The following DIS3L2 variants were observed in gnomAD, a reference collection of about 807,000 sequenced individuals.
The protein encoded by DIS3L2 is DIS3 like 3'-5' exoribonuclease 2.
In DIS3L2, 34 loss-of-function variants were observed where a neutral mutation model predicts 97.5. The ratio of observed to expected loss-of-function variants is 0.35; its 90% confidence interval spans 0.27 to 0.46. The LOEUF is 0.46. Ranked by LOEUF, DIS3L2 falls within the 20% of genes least tolerant of loss-of-function variation. The pLI, the probability that DIS3L2 is intolerant of heterozygous loss-of-function variation, is 1.00. For missense variants in DIS3L2, 1,038 were observed against 1,146.0 expected (o/e 0.91, Z 1.36); for synonymous variants, 435 against 445.2 (o/e 0.98, Z 0.29).
chr2:232,136,575 C>T lies in DIS3L2; in HGVS notation c.806C>T (p.Ser269Phe). ...CTGTTTAGGAAATACGCCCTGTTTT[C>T]TCCCTCAGACCACCGAGTGCCTAGA... ...SELFRKYALF[S>F]PSDHRVPRIY... The change falls in exon 8 of 21, where the codon TCT (serine) becomes TTT (phenylalanine). Residue 269 changes from serine (S) to phenylalanine (F), a missense_variant. Ser to Phe is a radical substitution (Grantham distance 155). Transcript: ENST00000325385. The T allele has an allele frequency of 6.2e-7, 1 of 1,613,958 alleles. No individual in the cohort carries two copies. The highest frequency in any genetic ancestry group is 2.2e-5 in the East Asian group (1 of 44,872).
intron 14 of DIS3L2, among the ~76,000 whole-genome samples, chr2:232,318,109 C>T (rs1695327592): frequency 6.6e-6 from 1 of 152,064 alleles, no homozygotes; most frequent in Non-Finnish European, 1.5e-5. Context: ...AGAACCCACT[C>T]CTGCAAGGCC....
At chr2:232,203,877 G>A (rs1691962344) in intron 9 of DIS3L2, among the ~76,000 whole-genome samples, 1 of 152,196 alleles carries the variant, frequency 6.6e-6, no homozygotes, top group Non-Finnish European at 1.5e-5. Flanking sequence ...GTAGAGTTAA[G>A]TAGCCCACTA....
chr2:231,996,742 C>G (rs1389451178), intron 1 of DIS3L2, among the ~76,000 whole-genome samples: 2 of 152,178 alleles, frequency 1.3e-5, no homozygotes, highest in Non-Finnish European at 1.5e-5. Context: ...GTTATCACAT[C>G]TAATATAAAA....
intron 6 of DIS3L2, among the ~76,000 whole-genome samples, chr2:232,088,649 A>G (rs190636421): frequency 2.0e-5 from 3 of 151,910 alleles, no homozygotes; most frequent in African/African-American, 7.3e-5. Context: ...AAGTATTTTG[A>G]TTCTAAGCCT....
At chr2:232,161,853 A>G (rs1489162020) in intron 8 of DIS3L2, among the ~76,000 whole-genome samples, 5 of 151,716 alleles carry the variant, frequency 3.3e-5, no homozygotes, top group Admixed American at 2.6e-4. Context: ...GCTCACCGCA[A>G]CCTCTGACTC....
In DIS3L2 at chr2:232,185,096, A is replaced by G. The variant is rs13401121; in HGVS notation, c.1124+21464A>G. 8.8e-3 allele frequency among the ~76,000 whole-genome samples: 1,343 copies of G among 152,318 alleles called. 16 individuals carry two copies. The highest frequency in any genetic ancestry group is 0.031 in the African/African-American group (1,298 of 41,556). On this transcript the variant is annotated intron_variant, in intron 9 of 20. Transcript: ENST00000325385. Reference sequence around the variant, plus strand: ...AGCAAAGTTCTCATCAAGAGCAAGGACTGGGTGTTACTTTTCTGTTTCTAG... The same window carrying G: ...AGCAAAGTTCTCATCAAGAGCAAGGGCTGGGTGTTACTTTTCTGTTTCTAG...
At chr2:232,294,820 T>C (rs990967014) in intron 13 of DIS3L2, among the ~76,000 whole-genome samples, 1 of 152,160 alleles carries the variant, frequency 6.6e-6, no homozygotes, top group Non-Finnish European at 1.5e-5. Context: ...TTTGCAGGGC[T>C]CTTGCGAGGA....
intron 12 of DIS3L2, among the ~76,000 whole-genome samples, chr2:232,257,506 C>T (rs1693597626): frequency 6.6e-6 from 1 of 152,188 alleles, no homozygotes; most frequent in Admixed American, 6.5e-5. Flanking sequence ...CCACCTCCCT[C>T]CCACCCTCCG....
intron 6 of DIS3L2, among the ~76,000 whole-genome samples, chr2:232,099,195 G>A (rs1255084575): frequency 6.6e-6 from 1 of 151,616 alleles, no homozygotes; most frequent in Non-Finnish European, 1.5e-5. Flanking sequence ...ATTCACTTAG[G>A]TAATATTAGG....
intron 5 of DIS3L2, among the ~76,000 whole-genome samples, chr2:232,081,792 T>A (rs569994808): frequency 6.6e-6 from 1 of 152,300 alleles, no homozygotes; most frequent in South Asian, 2.1e-4. Flanking sequence ...ACACCTTTAC[T>A]TTTTTTGTTT....
At chr2:232,191,339 C>T (rs974665697) in intron 9 of DIS3L2, among the ~76,000 whole-genome samples, 3 of 152,044 alleles carry the variant, frequency 2.0e-5, no homozygotes, top group African/African-American at 7.2e-5. Context: ...CTTCATCTTT[C>T]GAGGGTGGAT....
chr2:232,272,062 A>T (rs1235846411), intron 13 of DIS3L2, among the ~76,000 whole-genome samples: 1 of 152,164 alleles, frequency 6.6e-6, no homozygotes, highest in Non-Finnish European at 1.5e-5. Context: ...TAAGCATCAG[A>T]TTCATTCTGT....
intron 14 of DIS3L2, among the ~76,000 whole-genome samples, chr2:232,313,785 G>A (rs946566848): frequency 1.3e-5 from 2 of 152,190 alleles, no homozygotes. Flanking sequence ...GTTCCACCTG[G>A]CTGGGGAGTC....
chr2:232,124,696 A>G (rs1314322311), intron 6 of DIS3L2, among the ~76,000 whole-genome samples: 3 of 152,198 alleles, frequency 2.0e-5, no homozygotes, highest in East Asian at 1.9e-4. Context: ...GAGATTTTCC[A>G]TAGCAGGCGA....
chr2:231,998,925 T>G (rs1451105623), intron 1 of DIS3L2, among the ~76,000 whole-genome samples: 2 of 152,202 alleles, frequency 1.3e-5, no homozygotes, highest in African/African-American at 4.8e-5. Flanking sequence ...GTAGCAGCCT[T>G]TTCAGAGGGC....
intron 3 of DIS3L2, chr2:232,015,925 T>G: frequency 3.0e-6 from 1 of 337,650 alleles, no homozygotes; most frequent in Non-Finnish European, 5.5e-6. Flanking sequence ...AACCACTATT[T>G]CCCATTAGGA....
chr2:232,046,339 G>T (rs1431750445), intron 5 of DIS3L2, among the ~76,000 whole-genome samples: 1 of 152,140 alleles, frequency 6.6e-6, no homozygotes, highest in Non-Finnish European at 1.5e-5. Flanking sequence ...TGTACTAACG[G>T]CATGGAAGAA....
At chr2:232,343,700 T>C in exon 14 of DIS3L2, 4 of 1,076,066 alleles carry the variant, frequency 3.7e-6, no homozygotes, top group Non-Finnish European at 5.3e-6. Context: ...TGGGTGCTGA[T>C]TTTGTGGAAA....
intron 5 of DIS3L2, among the ~76,000 whole-genome samples, chr2:232,030,787 C>T (rs1694783627): frequency 6.6e-6 from 1 of 151,988 alleles, no homozygotes; most frequent in Non-Finnish European, 1.5e-5. Context: ...GTCTTCATAT[C>T]ATTTGTTTTA....
Sources: allele counts gnomAD v4.1 joint callset (sites outside exome capture counted in the v4.1 genomes callset), GRCh38; gene constraint gnomAD v4.1.1; transcripts MANE v1.5; gene names NCBI Gene and HGNC (gene_info 2026-07-23, HGNC 2026-07-21).